LLGL2: variants seen among roughly 807,000 people sequenced by gnomAD.
LLGL2 encodes LLGL2, scribble cell polarity complex component.
LLGL2 carries 81 observed loss-of-function variants against 123.2 expected under a neutral mutation model. The observed-to-expected ratio is 0.66, with a 90% CI of 0.55 to 0.79. The LOEUF is 0.79. LLGL2 is among the 30% of genes least tolerant of loss of function. The probability of loss-of-function intolerance (pLI) is 0.00; values close to 1 mark genes in which losing one functional copy is unlikely to be tolerated. For synonymous variants in LLGL2, 577 were observed against 594.1 expected (o/e 0.97, Z 0.42); for missense variants, 1,273 against 1,414.6 (o/e 0.90, Z 1.61).
chr17:75,572,926 A>T, intron 19 of LLGL2, 88 bp from the exon 20 acceptor site: 1 of 1,472,044 alleles, frequency 6.8e-7, no homozygotes, highest in Admixed American at 2.0e-5. Context: ...ACCGGGAGGC[A>T]TGTGGGGAGG....
chr17:75,525,482 AG>A (rs1232991184), upstream of LLGL2, among the ~76,000 whole-genome samples: 1 of 151,512 alleles, frequency 6.6e-6, no homozygotes, highest in Non-Finnish European at 1.5e-5. This position sits in a 1 kb window ranked among gnomAD's most constrained non-coding sequence, Gnocchi z 4.8. Context: ...AGGTGCGCGC[AG>A]GTGAGGCCGG....
rs539874143 is a variant in LLGL2 at position 75,549,875 on chromosome 17, C to T, written c.76-6171C>T. On this transcript the variant is annotated intron_variant, in intron 2 of 25. Coordinates refer to ENST00000392550, the MANE Select transcript of LLGL2 (RefSeq NM_001031803.2). This position sits in a 1 kb window ranked among gnomAD's most constrained non-coding sequence, Gnocchi z 4.0. The stretch of plus-strand genomic sequence containing the variant: ...CCCCTTCCGGGACCTGGAAAGGAGT[C>T]CCAGAGCCCAGGAGAGACGGGCCTT... Among the ~76,000 whole-genome samples the T allele has an allele frequency of 2.6e-5, 4 of 152,360 alleles. No individual in the cohort carries two copies. Among genetic ancestry groups the T allele is most frequent in the African/African-American group, 9.6e-5 (4 of 41,576 alleles).
At position 75,558,366 on chromosome 17, in the gene LLGL2, C is replaced by T. The variant is rs868078611; in HGVS notation, c.255+130C>T. The T allele has an allele frequency of 3.6e-5, 41 of 1,153,790 alleles. No individual in the cohort carries two copies. The highest frequency in any genetic ancestry group is 3.2e-4 in the African/African-American group (21 of 65,058). 71.5% of individuals were successfully genotyped at this position (1,153,790 alleles called of 1,614,324 possible). The stretch of plus-strand genomic sequence containing the variant: ...TTGCTGCTGATGGAAAGACCTGGGA[C>T]CCCCTCCCTTTCCACAGCTGGGGCT... On this transcript the variant is annotated intron_variant, in intron 4 of 25. Coordinates refer to ENST00000392550, the MANE Select transcript of LLGL2 (RefSeq NM_001031803.2). The surrounding 1 kb of genome is among the most constrained non-coding windows in gnomAD (Gnocchi z 4.0).
intron 10 of LLGL2, chr17:75,568,111 G>A (rs2055525742): frequency 1.7e-6 from 2 of 1,164,598 alleles, no homozygotes; most frequent in South Asian, 2.8e-5. Context: ...TGCCTGTGGG[G>A]AGAGGCTTGA....
At chr17:75,529,033 G>A (rs1028604226) in intron 1 of LLGL2, among the ~76,000 whole-genome samples, 1 of 151,362 alleles carries the variant, frequency 6.6e-6, no homozygotes, top group Middle Eastern at 3.2e-3. Context: ...GTGAGCGCCT[G>A]TAATCCCAGC....
rs113546676 is a variant in LLGL2, at chr17:75,567,235, T to G, written c.1037-1241T>G. On this transcript the variant is annotated intron_variant, in intron 10 of 25. Coordinates refer to ENST00000392550, the MANE Select transcript of LLGL2 (RefSeq NM_001031803.2). ...TCCTAGCACTTTGGGAGGCCAAGGA[T>G]GGCAGATCACCTGAGGTTAGGGGTT... Among the ~76,000 whole-genome samples, 406 of 152,090 alleles carry G rather than the reference T, an allele frequency of 2.7e-3. 3 individuals are homozygous for G. The highest frequency in any genetic ancestry group is 0.014 in the Middle Eastern group (4 of 294).
chr17:75,568,535 C>T lies in LLGL2; in HGVS notation c.1096C>T (p.Leu366=). Residue 366 remains leucine (L), a synonymous_variant, in exon 11 of 26, where the codon CTG becomes TTG. Coordinates refer to ENST00000392550, the MANE Select transcript of LLGL2 (RefSeq NM_001031803.2). The part of the protein sequence containing the change: ...LAEEELVVID[L]QTAGWPPVQL... ...TGAGGAGGAGCTGGTGGTGATTGAC[C>T]TGCAGACAGCAGGCTGGCCACCGGT... is the stretch of plus-strand genomic sequence containing the variant. 1 of 1,613,646 alleles carries T rather than the reference C, an allele frequency of 6.2e-7. No individual in the cohort carries two copies. Among genetic ancestry groups the T allele is most frequent in the Non-Finnish European group, 8.5e-7 (1 of 1,180,002 alleles).
rs139051456 is a variant in LLGL2, at chr17:75,567,074, C to T, written c.1037-1402C>T. 5.3e-5 allele frequency among the ~76,000 whole-genome samples: 8 copies of T among 152,300 alleles called. No individual in the cohort carries two copies. The East Asian group carries it at 1.5e-3, about 29-fold the overall frequency. On this transcript the variant is annotated intron_variant, in intron 10 of 25. Transcript: ENST00000392550. The stretch of plus-strand genomic sequence containing the variant: ...CAGCTGAGCCCGGGCACCCTCAAGC[C>T]TTGGAGGCATGAAGTTTGGTGGGGA...
At position 75,543,766 on chromosome 17, in the gene LLGL2, C is replaced by T. The variant is rs2054304732; in HGVS notation, c.75+265C>T. Among the ~76,000 whole-genome samples the T allele has an allele frequency of 2.6e-5, 4 of 152,136 alleles. No individual in the cohort carries two copies. In the South Asian group the frequency reaches 8.3e-4, roughly 32 times the overall value. On this transcript the variant is annotated intron_variant, in intron 2 of 25. Coordinates refer to ENST00000392550, the MANE Select transcript of LLGL2 (RefSeq NM_001031803.2). ...TGCAAGTCACTCCACCTCATGGAGC[C>T]TCAGTTTCCCTACCTGTATCATGGG...
chr17:75,532,219 G>A (rs2053824788), intron 1 of LLGL2, among the ~76,000 whole-genome samples: 1 of 151,276 alleles, frequency 6.6e-6, no homozygotes, highest in Non-Finnish European at 1.5e-5. Context: ...GGGATTACAG[G>A]TAGCTCCCCA....
At position 75,558,443 on chromosome 17, in the gene LLGL2, G is replaced by A. The variant is rs958208426; in HGVS notation, c.256-69G>A. 101 of 1,348,708 alleles carry A rather than the reference G, an allele frequency of 7.5e-5. No individual in the cohort carries two copies. Among genetic ancestry groups the A allele is most frequent in the Non-Finnish European group, 1.0e-4 (97 of 973,146 alleles). The allele number at this position is 1,348,708 out of a possible 1,614,324, so 83.5% of individuals were successfully genotyped here. ...GGGTCTTTTAAACAACTGGGGCTGC[G>A]TGGCCCCAGTGTGTAAAGGCCTTGC... On this transcript the variant is annotated intron_variant, in intron 4 of 25. Transcript: ENST00000392550. This position sits in a 1 kb window ranked among gnomAD's most constrained non-coding sequence, Gnocchi z 4.0.
At chr17:75,526,230 GC>G in intron 1 of LLGL2, among the ~76,000 whole-genome samples, 2 of 152,250 alleles carry the variant, frequency 1.3e-5, no homozygotes, top group Admixed American at 1.3e-4. Flanking sequence ...CCCACGGGCG[GC>G]GGCCGGAGCG....
intron 2 of LLGL2, 26 bp downstream of exon 2, chr17:75,543,527 GACCC>G: frequency 6.3e-7 from 1 of 1,598,342 alleles, no homozygotes; most frequent in Non-Finnish European, 8.5e-7. Flanking sequence ...CAGGGAAGAT[GACCC>G]CCAGGTTTTC....
At position 75,571,984 on chromosome 17, in the gene LLGL2, G is replaced by A. The variant is rs1422808547; in HGVS notation, c.2380G>A (p.Glu794Lys). The A allele has an allele frequency of 8.1e-6, 13 of 1,612,908 alleles. No homozygotes were observed. Among genetic ancestry groups the A allele is most frequent in the East Asian group, 2.2e-5 (1 of 44,868 alleles). Residue 794 changes from glutamate to lysine, a missense_variant, in exon 19 of 26, where the codon GAA becomes AAA. By Grantham distance (56) the Glu-to-Lys change is moderately conservative. Transcript: ENST00000392550. Reference protein sequence around the residue: ...GHSVPLPEPLEVAHDLSKSPD... With the variant: ...GHSVPLPEPLKVAHDLSKSPD... ...CAGCGTACCCCTTCCCGAGCCCCTCGAAGTGGCCCATGATCTGTCGAAGAG... is the reference window on the plus strand; with the variant it reads ...CAGCGTACCCCTTCCCGAGCCCCTCAAAGTGGCCCATGATCTGTCGAAGAG...
intron 1 of LLGL2, 82 bp from the exon 2 acceptor site, chr17:75,543,315 G>C: frequency 1.1e-6 from 1 of 936,920 alleles, no homozygotes; most frequent in Non-Finnish European, 1.6e-6. Context: ...GGAGAGAGAG[G>C]CCCTGCTCCA....
At chr17:75,571,568 C>A in intron 17 of LLGL2, 99 bp from the exon 18 acceptor site, 1 of 858,360 alleles carries the variant, frequency 1.2e-6, no homozygotes, top group South Asian at 1.5e-5. Flanking sequence ...AGCCTTCCAG[C>A]CTCTCCCAGG....
chr17:75,540,886 A>T (rs1425222058), intron 1 of LLGL2, among the ~76,000 whole-genome samples: 1 of 152,214 alleles, frequency 6.6e-6, no homozygotes, highest in Non-Finnish European at 1.5e-5. Context: ...TGGCCAGGAC[A>T]TTCAGCGACC....
chr17:75,552,349 C>T (rs992450741), intron 2 of LLGL2, among the ~76,000 whole-genome samples: 4 of 151,888 alleles, frequency 2.6e-5, no homozygotes, highest in East Asian at 1.9e-4. Flanking sequence ...ACTAGCTGGG[C>T]GTGGTGGTGT....
At chr17:75,573,654 T>TCGGCC in intron 21 of LLGL2, 23 bp downstream of exon 21, 1 of 1,550,816 alleles carries the variant, frequency 6.4e-7, no homozygotes, top group Non-Finnish European at 8.7e-7. Context: ...GCCAGAGGCC[T>TCGGCC]CTCCCGCCCC....
Sources: allele counts gnomAD v4.1 joint callset (sites outside exome capture counted in the v4.1 genomes callset), GRCh38; gene constraint gnomAD v4.1.1; non-coding constraint Gnocchi (gnomAD v3.1); transcripts MANE v1.5; gene names NCBI Gene and HGNC (gene_info 2026-07-23, HGNC 2026-07-21).